COL24A1: variants seen among roughly 807,000 people sequenced by gnomAD.
COL24A1 encodes collagen type XXIV alpha 1 chain, also known as collagen alpha-1(XXIV) chain.
Under a neutral mutation model 253.9 loss-of-function variants are expected in COL24A1, and 224 were observed. That is an observed-to-expected ratio of 0.88 (90% CI 0.79 to 0.99). COL24A1 has a LOEUF of 0.99. Among genes scored for constraint, COL24A1 ranks in the 50% least tolerant of loss-of-function variants. The pLI is 0.00. For synonymous variants in COL24A1, 685 were observed against 673.7 expected (o/e 1.02, Z -0.26); for missense variants, 2,131 against 2,068.5 (o/e 1.03, Z -0.59).
chr1:86,112,561 A>C lies in COL24A1; in HGVS notation c.1599+6T>G. The C allele has an allele frequency of 6.2e-7, 1 of 1,611,860 alleles. No individual in the cohort carries two copies. Among genetic ancestry groups the C allele is most frequent in the Non-Finnish European group, 8.5e-7 (1 of 1,178,438 alleles). ...AGCTTAAGTTGCCTGATTAGTAGTC[A>C]CTTACCTTTGGACCAGGTAATCCAG... On this transcript the variant is annotated splice_donor_region_variant and intron_variant, in intron 5 of 59. Transcript: ENST00000370571.
At chr1:86,092,074 TAAATC>T in intron 6 of COL24A1, among the ~76,000 whole-genome samples, 188 bp downstream of exon 6, 1 of 152,224 alleles carries the variant, frequency 6.6e-6, no homozygotes, top group East Asian at 1.9e-4. Flanking sequence ...TGTTAAGACT[TAAATC>T]AATAAGTGAA....
chr1:85,838,741 A>G, intron 42 of COL24A1, 103 bp from the exon 43 acceptor site: 1 of 1,006,074 alleles, frequency 9.9e-7, no homozygotes, highest in Non-Finnish European at 1.5e-6. Context: ...TCAAAAATAT[A>G]AAACCAAATA....
intron 7 of COL24A1, among the ~76,000 whole-genome samples, chr1:86,075,242 C>T (rs888244936): frequency 6.6e-6 from 1 of 152,056 alleles, no homozygotes; most frequent in Admixed American, 6.6e-5. Context: ...TACAAACTAC[C>T]ATCAGAGAAT....
chr1:85,877,951 G>C (rs1446192470), intron 32 of COL24A1, among the ~76,000 whole-genome samples: 3 of 151,988 alleles, frequency 2.0e-5, no homozygotes, highest in East Asian at 1.9e-4. Context: ...CCCCTCAAGA[G>C]TGTCATATAG....
rs979063178 is a variant in COL24A1, at chr1:86,108,743, G to A, written c.1599+3824C>T. Reference sequence around the variant, plus strand: ...AATCGCTTGAACCCAGGAGGTGGAGGTTGCAGTGAGCCGAGATCGCACCAT... The same window carrying A: ...AATCGCTTGAACCCAGGAGGTGGAGATTGCAGTGAGCCGAGATCGCACCAT... On this transcript the variant is annotated intron_variant, in intron 5 of 59. Transcript: ENST00000370571. 7.3e-5 allele frequency among the ~76,000 whole-genome samples: 11 copies of A among 151,406 alleles called. No individual in the cohort carries two copies. The East Asian group carries it at 1.2e-3, about 16-fold the overall frequency.
At chr1:86,035,387 T>G (rs990837004) in intron 12 of COL24A1, among the ~76,000 whole-genome samples, 1 of 152,146 alleles carries the variant, frequency 6.6e-6, no homozygotes, top group African/African-American at 2.4e-5. Flanking sequence ...TATACTACAG[T>G]AAGTCTGAAA....
intron 19 of COL24A1, among the ~76,000 whole-genome samples, chr1:85,997,711 G>C (rs1694972221): frequency 6.6e-6 from 1 of 151,746 alleles, no homozygotes; most frequent in Non-Finnish European, 1.5e-5. Flanking sequence ...GAACCCAGAG[G>C]CGGAGGTTGC....
intron 45 of COL24A1, among the ~76,000 whole-genome samples, chr1:85,818,555 G>T (rs1215560911): frequency 2.0e-5 from 3 of 152,182 alleles, no homozygotes; most frequent in Non-Finnish European, 1.5e-5. Flanking sequence ...CCTAAAATGT[G>T]CTTTTCTGGA....
At chr1:86,050,910 T>A (rs1049606497) in intron 10 of COL24A1, among the ~76,000 whole-genome samples, 1 of 152,138 alleles carries the variant, frequency 6.6e-6, no homozygotes, top group South Asian at 2.1e-4. Context: ...ATTTTACAGA[T>A]AAAGTGTATG....
chr1:86,151,041 GGT>G (rs202137725), intron 1 of COL24A1, among the ~76,000 whole-genome samples: 9 of 150,732 alleles, frequency 6.0e-5, no homozygotes, highest in Non-Finnish European at 8.9e-5. Context: ...TATATATATA[GGT>G]GTGTGTGTGT....
At chr1:85,775,792 A>G (rs1282728414) in intron 52 of COL24A1, 83 bp from the exon 53 acceptor site, 64 of 1,165,906 alleles carry the variant, frequency 5.5e-5, no homozygotes, top group Non-Finnish European at 7.8e-5. Context: ...ATGTAGAAAC[A>G]TGACAATTTA....
intron 5 of COL24A1, among the ~76,000 whole-genome samples, chr1:86,109,944 G>C (rs1705377895): frequency 3.9e-5 from 6 of 152,072 alleles, no homozygotes. Context: ...CATTGAGAAG[G>C]CTCTGCCTAT....
intron 27 of COL24A1, among the ~76,000 whole-genome samples, 196 bp from the exon 28 acceptor site, chr1:85,907,443 T>C (rs1455677361): frequency 6.6e-6 from 1 of 151,938 alleles, no homozygotes; most frequent in Non-Finnish European, 1.5e-5. Flanking sequence ...TTTGGACAAA[T>C]TTAATGTCTG....
At chr1:86,080,991 T>C (rs11583566) in intron 7 of COL24A1, among the ~76,000 whole-genome samples, 22,500 of 152,150 alleles carry the variant, frequency 0.15, 1,800 homozygotes, top group Middle Eastern at 0.2. Flanking sequence ...GACCTTTAAA[T>C]ATTTTTGTTA....
chr1:86,117,465 T>C (rs1034487285), intron 3 of COL24A1, among the ~76,000 whole-genome samples: 1 of 152,208 alleles, frequency 6.6e-6, no homozygotes, highest in Non-Finnish European at 1.5e-5. Context: ...TAAATTTCTA[T>C]AGTGTATAAG....
intron 24 of COL24A1, among the ~76,000 whole-genome samples, chr1:85,919,419 C>T (rs540298084): frequency 5.3e-5 from 8 of 152,334 alleles, no homozygotes; most frequent in African/African-American, 1.7e-4. Flanking sequence ...TGGCTCATGC[C>T]TGTAATCCCA....
intron 5 of COL24A1, among the ~76,000 whole-genome samples, chr1:86,098,790 TC>T (rs904393410): frequency 4.6e-5 from 7 of 152,162 alleles, no homozygotes; most frequent in African/African-American, 1.7e-4. Context: ...TATTTAACTA[TC>T]TACAGAATAA....
At chr1:85,852,447 T>C (rs1677880413) in intron 37 of COL24A1, among the ~76,000 whole-genome samples, 1 of 152,160 alleles carries the variant, frequency 6.6e-6, no homozygotes, top group South Asian at 2.1e-4. Context: ...GTTGTCTTAA[T>C]ATTGGCCCTT....
At chr1:86,027,915 A>G (rs1478573772) in intron 14 of COL24A1, among the ~76,000 whole-genome samples, 1 of 152,198 alleles carries the variant, frequency 6.6e-6, no homozygotes, top group African/African-American at 2.4e-5. Flanking sequence ...GGCTGTGGGA[A>G]CCCACCTCCT....
Sources: gnomAD v4.1 joint callset for allele counts (sites outside exome capture counted in the v4.1 genomes callset) on GRCh38, gnomAD v4.1.1 for gene constraint, MANE v1.5 for transcripts, NCBI Gene and HGNC (gene_info 2026-07-23, HGNC 2026-07-21) for gene names.